CSMD1: variants seen among roughly 807,000 people sequenced by gnomAD.
CSMD1 encodes the protein CUB and Sushi multiple domains 1, also known as CUB and sushi domain-containing protein 1.
Under a neutral mutation model 417.5 loss-of-function variants are expected in CSMD1, and 213 were observed. The observed-to-expected ratio is 0.51, with a 90% CI of 0.46 to 0.57. The LOEUF is 0.57. Among genes scored for constraint, CSMD1 ranks in the 20% least tolerant of loss-of-function variants. CSMD1 has a pLI of 0.00. For missense variants in CSMD1, 6,923 were observed against 4,529.7 expected (o/e 1.53, Z -15.17); for synonymous variants, 2,862 against 1,736.8 (o/e 1.65, Z -16.11).
chr8:4,618,057 G>A (rs532381139), intron 2 of CSMD1, among the ~76,000 whole-genome samples: 3 of 152,262 alleles, frequency 2.0e-5, no homozygotes, highest in Admixed American at 6.5e-5. Context: ...TATGGTGACA[G>A]GTCACTACCA....
intron 6 of CSMD1, among the ~76,000 whole-genome samples, chr8:3,709,919 C>T (rs10092362): frequency 0.54 from 49,752 of 92,544 alleles, 8,416 homozygotes; most frequent in East Asian, 0.63. Context: ...TACAGGAGAC[C>T]CCTGAAGCAT....
At chr8:3,342,952 T>C (rs2117610058) in intron 23 of CSMD1, among the ~76,000 whole-genome samples, 1 of 152,210 alleles carries the variant, frequency 6.6e-6, no homozygotes, top group South Asian at 2.1e-4. Flanking sequence ...GTATCAAACA[T>C]CTCTTCTAAA....
chr8:3,502,223 G>C (rs1000494303), intron 10 of CSMD1, among the ~76,000 whole-genome samples: 9 of 151,814 alleles, frequency 5.9e-5, no homozygotes, highest in African/African-American at 1.9e-4. Flanking sequence ...AAATTAGCCG[G>C]GCATGGTGGT....
intron 1 of CSMD1, among the ~76,000 whole-genome samples, chr8:4,968,111 A>G (rs1810000288): frequency 6.6e-6 from 1 of 152,162 alleles, no homozygotes; most frequent in Non-Finnish European, 1.5e-5. Flanking sequence ...CCATTCAAAT[A>G]TGAAAGAGAA....
At chr8:4,853,806 T>C (rs1801627367) in intron 1 of CSMD1, among the ~76,000 whole-genome samples, 1 of 152,152 alleles carries the variant, frequency 6.6e-6, no homozygotes, top group African/African-American at 2.4e-5. Flanking sequence ...AAAGCCACAG[T>C]GGACCTGACC....
chr8:3,394,474 T>C (rs1346153448), intron 17 of CSMD1, among the ~76,000 whole-genome samples: 2 of 151,956 alleles, frequency 1.3e-5, no homozygotes, highest in African/African-American at 2.4e-5. Flanking sequence ...TTCCCTCAAA[T>C]GGAAGTAGAA....
In CSMD1 at chr8:4,702,264, T is replaced by A. The variant is rs554104356; in HGVS notation, c.86-64706A>T. Among the ~76,000 whole-genome samples the A allele has an allele frequency of 2.5e-3, 383 of 152,208 alleles. 2 individuals carry two copies. Among genetic ancestry groups the A allele is most frequent in the African/African-American group, 8.9e-3 (371 of 41,540 alleles). ...TGTACCCAATAACTTAAAATAAAAATAAAAATAAAAAATCAACAGGTTGCC... is the reference window on the plus strand; with the variant it reads ...TGTACCCAATAACTTAAAATAAAAAAAAAAATAAAAAATCAACAGGTTGCC... On this transcript the variant is annotated intron_variant, in intron 1 of 69. Coordinates refer to ENST00000635120, the MANE Select transcript of CSMD1 (RefSeq NM_033225.6).
intron 2 of CSMD1, among the ~76,000 whole-genome samples, chr8:4,625,797 C>A (rs948183465): frequency 6.6e-6 from 1 of 152,090 alleles, no homozygotes; most frequent in Non-Finnish European, 1.5e-5. Flanking sequence ...GATCTCAGCT[C>A]ATTCCAATCT....
intron 4 of CSMD1, among the ~76,000 whole-genome samples, chr8:4,024,044 G>T (rs1041561051): frequency 2.0e-5 from 3 of 152,038 alleles, no homozygotes; most frequent in African/African-American, 7.2e-5. Flanking sequence ...AGAGAACATA[G>T]AGGCCAAAAC....
At chr8:4,916,173 T>C (rs1222046940) in intron 1 of CSMD1, among the ~76,000 whole-genome samples, 1 of 152,182 alleles carries the variant, frequency 6.6e-6, no homozygotes. Context: ...TAAAAGAAAG[T>C]AGAGTCCTCT....
chr8:3,009,691 C>A (rs144606763), intron 52 of CSMD1, among the ~76,000 whole-genome samples: 1 of 152,040 alleles, frequency 6.6e-6, no homozygotes, highest in African/African-American at 2.4e-5. Flanking sequence ...GCAATGCTGA[C>A]CGACTTAGCC....
chr8:4,213,184 G>A (rs1468549568), intron 3 of CSMD1, among the ~76,000 whole-genome samples: 1 of 152,132 alleles, frequency 6.6e-6, no homozygotes, highest in Non-Finnish European at 1.5e-5. Flanking sequence ...AGACATAGTT[G>A]AGAATGTGAA....
chr8:4,347,775 G>A (rs1182223717), intron 3 of CSMD1, among the ~76,000 whole-genome samples: 3 of 152,026 alleles, frequency 2.0e-5, no homozygotes, highest in Non-Finnish European at 4.4e-5. Context: ...ATTGGATAAA[G>A]TTTTAGTAAC....
chr8:3,315,539 T>G (rs1805693827), intron 23 of CSMD1, among the ~76,000 whole-genome samples: 1 of 152,050 alleles, frequency 6.6e-6, no homozygotes, highest in Non-Finnish European at 1.5e-5. Context: ...AGTCCTCTTG[T>G]TAGCTACTAT....
intron 1 of CSMD1, among the ~76,000 whole-genome samples, chr8:4,768,711 G>A (rs1387805751): frequency 6.6e-6 from 1 of 152,166 alleles, no homozygotes; most frequent in Admixed American, 6.5e-5. Flanking sequence ...CGAGGCACTG[G>A]AGCACCAAAC....
intron 5 of CSMD1, among the ~76,000 whole-genome samples, chr8:3,982,911 G>A (rs1013360239): frequency 6.6e-6 from 1 of 151,990 alleles, no homozygotes; most frequent in African/African-American, 2.4e-5. Context: ...CAATAACTTT[G>A]AAAAATAGAT....
chr8:4,251,890 G>C (rs1803107148), intron 3 of CSMD1, among the ~76,000 whole-genome samples: 1 of 148,906 alleles, frequency 6.7e-6, no homozygotes, highest in African/African-American at 2.5e-5. Context: ...GAGGGGAAGG[G>C]AGGGGAGGGG....
chr8:3,176,117 T>C (rs1028379709), intron 37 of CSMD1, among the ~76,000 whole-genome samples: 6 of 152,162 alleles, frequency 3.9e-5, no homozygotes, highest in African/African-American at 1.4e-4. Context: ...GAAATACGTA[T>C]AAGCTGAATC....
At chr8:3,314,433 C>T (rs1016747425) in intron 23 of CSMD1, among the ~76,000 whole-genome samples, 7 of 152,014 alleles carry the variant, frequency 4.6e-5, no homozygotes, top group African/African-American at 1.2e-4. Context: ...TATCTTGAAG[C>T]CACTAGTCTG....
Sources: allele counts gnomAD v4.1 joint callset (sites outside exome capture counted in the v4.1 genomes callset), GRCh38; gene constraint gnomAD v4.1.1; transcripts MANE v1.5; gene names NCBI Gene and HGNC (gene_info 2026-07-23, HGNC 2026-07-21).